Variants in NEDD4 observed in about 807,000 individuals in gnomAD.
NEDD4 encodes the protein E3 ubiquitin-protein ligase NEDD4.
A neutral mutation model predicts 144.9 loss-of-function variants in NEDD4; 99 were observed. The observed-to-expected ratio is 0.68, with a 90% CI of 0.58 to 0.81. The LOEUF (loss-of-function observed/expected upper bound fraction) is 0.81. Among genes scored for constraint, NEDD4 ranks in the 30% least tolerant of loss-of-function variants. The pLI, the probability that NEDD4 is intolerant of heterozygous loss-of-function variation, is 0.00. For missense variants in NEDD4, 985 were observed against 1,065.9 expected (o/e 0.92, Z 1.06); for synonymous variants, 318 against 350.6 (o/e 0.91, Z 1.04).
intron 5 of NEDD4, among the ~76,000 whole-genome samples, chr15:55,880,227 G>T (rs1405722430): frequency 1.3e-5 from 2 of 152,166 alleles, no homozygotes; most frequent in South Asian, 4.1e-4. Flanking sequence ...AGGAAGTGGA[G>T]GTTGCAGTGA....
intron 5 of NEDD4, among the ~76,000 whole-genome samples, chr15:55,914,861 T>C (rs1566948722): frequency 6.6e-6 from 1 of 151,912 alleles, no homozygotes; most frequent in Admixed American, 6.6e-5. Flanking sequence ...TTCATAATGA[T>C]TAAGAAGAGG....
At chr15:55,979,305 T>C (rs1158502765) in intron 1 of NEDD4, among the ~76,000 whole-genome samples, 15 of 151,210 alleles carry the variant, frequency 9.9e-5, no homozygotes, top group African/African-American at 2.9e-4. Flanking sequence ...AAAATAAAGT[T>C]ATTAAAGTAA....
At chr15:55,940,962 C>T (rs772431036) in intron 4 of NEDD4, among the ~76,000 whole-genome samples, 1 of 152,182 alleles carries the variant, frequency 6.6e-6, no homozygotes, top group Non-Finnish European at 1.5e-5. Flanking sequence ...TCTGTTTCTA[C>T]TTATATTGGT....
At position 55,860,238 on chromosome 15, in the gene NEDD4, T is replaced by C. The variant is rs192679772; in HGVS notation, c.960+169A>G. ...ATGCCATGACTCTGGTCCATACTAC[T>C]AATGAGGATATTTGAAAAATGACCA... is the stretch of plus-strand genomic sequence containing the variant. On this transcript the variant is annotated intron_variant, in intron 11 of 28. Transcript: ENST00000435532. Among the ~76,000 whole-genome samples the C allele has an allele frequency of 9.1e-4, 139 of 152,320 alleles. 1 individual carries two copies. In the Middle Eastern group the frequency reaches 0.01, roughly 11 times the overall value.
chr15:55,962,942 A>T (rs1480668061), intron 2 of NEDD4, among the ~76,000 whole-genome samples: 1 of 151,118 alleles, frequency 6.6e-6, no homozygotes, highest in Non-Finnish European at 1.5e-5. Flanking sequence ...ACGCGCCACC[A>T]TACCCAGCTA....
In NEDD4 at chr15:55,947,676, T is replaced by C. The variant is rs573527738; in HGVS notation, c.237+3700A>G. Among the ~76,000 whole-genome samples the C allele has an allele frequency of 3.9e-5, 6 of 152,312 alleles. No individual in the cohort carries two copies. The East Asian group carries it at 1.2e-3, about 29-fold the overall frequency. ...CGCAATCAATAAACGTAATCCAGCA[T>C]ATAAACAGAACCAAAGACAAAAACC... On this transcript the variant is annotated intron_variant, in intron 4 of 28. Coordinates refer to ENST00000435532, the MANE Select transcript of NEDD4 (RefSeq NM_006154.4).
In NEDD4 at chr15:55,952,912, A is replaced by C. The variant is rs1316394560; in HGVS notation, c.120-1323T>G. Among the ~76,000 whole-genome samples, 3 of 152,218 alleles carry C rather than the reference A, an allele frequency of 2.0e-5. No homozygotes were observed. In the East Asian group the frequency reaches 5.8e-4, roughly 29 times the overall value. On this transcript the variant is annotated intron_variant, in intron 2 of 28. Transcript: ENST00000435532. ...AACCTTTTCAGAGGCAGTTTTTAAT[A>C]ATAAAAACAAGAACACTTATATAGC...
chr15:55,873,676 T>C (rs951126780), intron 6 of NEDD4, among the ~76,000 whole-genome samples: 15 of 140,336 alleles, frequency 1.1e-4, no homozygotes, highest in Non-Finnish European at 7.8e-5. Context: ...ATTCTAGTTA[T>C]TCAGCAGAAT....
At chr15:55,941,121 T>G (rs189020112) in intron 4 of NEDD4, among the ~76,000 whole-genome samples, 2 of 152,270 alleles carry the variant, frequency 1.3e-5, no homozygotes, top group Admixed American at 6.5e-5. Flanking sequence ...GTACTCTCTC[T>G]GTCTCTCTCA....
At chr15:55,848,610 G>C in intron 15 of NEDD4, 35 bp from the exon 16 acceptor site, 1 of 1,568,028 alleles carries the variant, frequency 6.4e-7, no homozygotes. Context: ...TATTTTAGGA[G>C]AGGGGCGTAG....
chr15:55,962,918 C>A (rs1287762501), intron 2 of NEDD4, among the ~76,000 whole-genome samples: 1 of 151,694 alleles, frequency 6.6e-6, no homozygotes, highest in Non-Finnish European at 1.5e-5. Context: ...TCCTGAGTAG[C>A]TGGGATTACA....
chr15:55,833,325 G>A (rs1406069315), intron 26 of NEDD4, among the ~76,000 whole-genome samples: 1 of 152,104 alleles, frequency 6.6e-6, no homozygotes, highest in Non-Finnish European at 1.5e-5. Context: ...ATAACCTAGT[G>A]AAGTAACAAA....
At chr15:55,937,076 A>T (rs568642813) in intron 4 of NEDD4, among the ~76,000 whole-genome samples, 42 of 152,286 alleles carry the variant, frequency 2.8e-4, no homozygotes, top group African/African-American at 9.6e-4. Context: ...AACAGGCATG[A>T]GCCACCGTGC....
At chr15:55,840,270 T>C (rs1486686719) in intron 21 of NEDD4, among the ~76,000 whole-genome samples, 177 bp downstream of exon 21, 3 of 151,730 alleles carry the variant, frequency 2.0e-5, no homozygotes, top group African/African-American at 7.3e-5. Flanking sequence ...TGTAAAATTC[T>C]TCCAACTTTA....
chr15:55,836,871 TTGGTCTCGAACTCC>T (rs2033229007), intron 24 of NEDD4, among the ~76,000 whole-genome samples: 2 of 151,162 alleles, frequency 1.3e-5, no homozygotes, highest in African/African-American at 4.9e-5. Flanking sequence ...GTTGTCCACG[TTGGTCTCGAACTCC>T]TGGGCTCAAG....
chr15:55,925,542 A>G (rs533660851), intron 4 of NEDD4, among the ~76,000 whole-genome samples: 1 of 152,338 alleles, frequency 6.6e-6, no homozygotes, highest in East Asian at 1.9e-4. Context: ...TAAAAATTAC[A>G]AGCAATATTT....
intron 1 of NEDD4, among the ~76,000 whole-genome samples, chr15:55,985,691 T>A (rs2037878783): frequency 6.6e-6 from 1 of 152,172 alleles, no homozygotes; most frequent in Non-Finnish European, 1.5e-5. Context: ...TAAATTTATG[T>A]ATTTACAGAT....
At chr15:55,851,336 A>G (rs2033971786) in intron 13 of NEDD4, among the ~76,000 whole-genome samples, 1 of 152,194 alleles carries the variant, frequency 6.6e-6, no homozygotes, top group Admixed American at 6.5e-5. Flanking sequence ...TGTTAAGCAA[A>G]AAGGTGTAGA....
intron 2 of NEDD4, among the ~76,000 whole-genome samples, chr15:55,957,747 A>C (rs1221654833): frequency 1.3e-5 from 2 of 152,228 alleles, no homozygotes; most frequent in Admixed American, 1.3e-4. Flanking sequence ...GATAGACTGG[A>C]TTAAGAAAAT....
Sources: gnomAD v4.1 joint callset for allele counts (sites outside exome capture counted in the v4.1 genomes callset) on GRCh38, gnomAD v4.1.1 for gene constraint, MANE v1.5 for transcripts, NCBI Gene and HGNC (gene_info 2026-07-23, HGNC 2026-07-21) for gene names.